Variants in BTAF1 observed in about 807,000 individuals in gnomAD.
The protein encoded by BTAF1 is TATA-binding protein-associated factor 172.
In BTAF1, 38 loss-of-function variants were observed where a neutral mutation model predicts 227.1. That is an observed-to-expected ratio of 0.17 (90% CI 0.13 to 0.22). The LOEUF (loss-of-function observed/expected upper bound fraction) is 0.22. Ranked by LOEUF, BTAF1 falls within the 10% of genes least tolerant of loss-of-function variation. BTAF1 has a pLI of 1.00. For synonymous variants in BTAF1, 742 were observed against 751.9 expected (o/e 0.99, Z 0.21); for missense variants, 1,598 against 2,204.0 (o/e 0.73, Z 5.51).
chr10:91,924,506 C>T (rs1843694458), intron 1 of BTAF1, among the ~76,000 whole-genome samples: 1 of 152,080 alleles, frequency 6.6e-6, no homozygotes, highest in Non-Finnish European at 1.5e-5. Flanking sequence ...TCTAAGAGAC[C>T]GTCTAATTAT....
intron 23 of BTAF1, among the ~76,000 whole-genome samples, chr10:91,995,673 C>G (rs527749997): frequency 5.4e-5 from 8 of 148,960 alleles, no homozygotes; most frequent in Non-Finnish European, 8.9e-5. Flanking sequence ...GAGACTCAGT[C>G]TCAAAAAAAA....
In BTAF1 at chr10:92,008,106, T is replaced by C; in HGVS notation, c.3661-17T>C. 6.4e-7 allele frequency: 1 copy of C among 1,563,400 alleles called. No homozygotes were observed. The highest frequency in any genetic ancestry group is 1.7e-4 in the Middle Eastern group (1 of 5,956). On this transcript the variant is annotated splice_polypyrimidine_tract_variant and intron_variant, in intron 25 of 37. Transcript: ENST00000265990. ...GTGAGTACGTAGTTTTTAATAACTTTAAAAAAATCATTTTAGGCAGGCATT... is the reference window on the plus strand; with the variant it reads ...GTGAGTACGTAGTTTTTAATAACTTCAAAAAAATCATTTTAGGCAGGCATT...
chr10:91,960,255 A>C, intron 11 of BTAF1, 101 bp downstream of exon 11: 1 of 1,254,552 alleles, frequency 8.0e-7, no homozygotes, highest in Non-Finnish European at 1.1e-6. Flanking sequence ...TTACTGTTAC[A>C]GAGAAGCCAG....
intron 34 of BTAF1, among the ~76,000 whole-genome samples, chr10:92,020,603 C>G (rs1270259650): frequency 6.6e-6 from 1 of 152,094 alleles, no homozygotes; most frequent in African/African-American, 2.4e-5. Context: ...AAATATGTAT[C>G]CTTACATCAC....
intron 25 of BTAF1, among the ~76,000 whole-genome samples, chr10:92,002,984 C>A (rs1282836489): frequency 6.6e-6 from 1 of 151,982 alleles, no homozygotes; most frequent in Admixed American, 6.5e-5. Context: ...TGGTGAAACC[C>A]CATCTCTACT....
At chr10:92,001,305 G>C (rs146263237) in intron 25 of BTAF1, among the ~76,000 whole-genome samples, 36 of 152,308 alleles carry the variant, frequency 2.4e-4, no homozygotes, top group Admixed American at 1.2e-3. Flanking sequence ...AGGTCCACAG[G>C]GGGGTTCTCC....
chr10:91,942,295 AGTTTGT>A (rs771547619), intron 3 of BTAF1, 121 bp from the exon 4 acceptor site: 38 of 553,758 alleles, frequency 6.9e-5, no homozygotes, highest in Non-Finnish European at 9.4e-5. Flanking sequence ...TAAAAAAAAA[AGTTTGT>A]GTGTGTGTGT....
At position 91,961,657 on chromosome 10, in the gene BTAF1, A is replaced by G. The variant is rs548209913; in HGVS notation, c.1264-881A>G. Among the ~76,000 whole-genome samples the G allele has an allele frequency of 9.5e-4, 144 of 152,262 alleles. 2 individuals carry two copies. The South Asian group carries it at 0.028, about 30-fold the overall frequency. ...CTGTGTTCTGCACTCTAGCCTCTGTAGATAACAGTAGACTTATATGGAAAT... is the reference window on the plus strand; with the variant it reads ...CTGTGTTCTGCACTCTAGCCTCTGTGGATAACAGTAGACTTATATGGAAAT... On this transcript the variant is annotated intron_variant, in intron 11 of 37. Coordinates refer to ENST00000265990, the MANE Select transcript of BTAF1 (RefSeq NM_003972.3).
chr10:91,998,139 A>AAAAG lies in BTAF1; in HGVS notation c.3660+391_3660+392insGAAA, dbSNP rs1289163434. On this transcript the variant is annotated intron_variant, in intron 25 of 37. Transcript: ENST00000265990. ...CGAGACTCCATCTCAAAAAAAAAAA[A>AAAAG]AAAAGAAAAGAAAAGAAAAGTAACA... Among the ~76,000 whole-genome samples, 176 of 151,304 alleles carry AAAAG rather than the reference A, an allele frequency of 1.2e-3. 1 individual carries two copies. Among genetic ancestry groups the AAAAG allele is most frequent in the African/African-American group, 4.1e-3 (170 of 41,112 alleles).
At chr10:91,982,308 G>C (rs1367284931) in intron 17 of BTAF1, 83 bp downstream of exon 17, 2 of 1,562,764 alleles carry the variant, frequency 1.3e-6, no homozygotes, top group Non-Finnish European at 8.8e-7. Context: ...AGATTCCTCT[G>C]CTGTCTCCAT....
At chr10:91,958,122 C>T (rs112039215) in intron 8 of BTAF1, among the ~76,000 whole-genome samples, 1,801 of 151,282 alleles carry the variant, frequency 0.012, 35 homozygotes, top group African/African-American at 0.041. Flanking sequence ...GATCTTGACT[C>T]TCTGCAACCT....
chr10:91,939,151 A>G (rs916605738), intron 2 of BTAF1, among the ~76,000 whole-genome samples: 1 of 152,164 alleles, frequency 6.6e-6, no homozygotes, highest in Non-Finnish European at 1.5e-5. Flanking sequence ...CTTTCATTGT[A>G]CAAGTCATAC....
intron 23 of BTAF1, 56 bp from the exon 24 acceptor site, chr10:91,996,313 A>C: frequency 6.7e-7 from 1 of 1,491,276 alleles, no homozygotes; most frequent in Non-Finnish European, 9.3e-7. Flanking sequence ...TATTATAGTT[A>C]CATATTAAAC....
intron 14 of BTAF1, among the ~76,000 whole-genome samples, chr10:91,967,786 C>T (rs1310150821): frequency 6.6e-6 from 1 of 151,992 alleles, no homozygotes; most frequent in Non-Finnish European, 1.5e-5. Context: ...TGCTTTTTGC[C>T]TAAATGTTTG....
intron 4 of BTAF1, among the ~76,000 whole-genome samples, chr10:91,948,489 A>G (rs1411383535): frequency 6.6e-6 from 1 of 151,570 alleles, no homozygotes; most frequent in African/African-American, 2.4e-5. Context: ...TCCTGGGCTC[A>G]AGCAATCCTC....
chr10:92,016,362 C>G lies in BTAF1; in HGVS notation c.4607C>G (p.Ala1536Gly). 6.3e-7 allele frequency: 1 copy of G among 1,598,082 alleles called. No homozygotes were observed. The highest frequency in any genetic ancestry group is 8.5e-7 in the Non-Finnish European group (1 of 1,173,684). Residue 1536 changes from alanine (A) to glycine (G), a missense_variant, in exon 33 of 38, where the codon GCT becomes GGT. Physicochemically the swap from Ala to Gly is moderately conservative, Grantham distance 60 (BLOSUM62 0). Transcript: ENST00000265990. ...CAGGTTCAGCTCTATGAAGATTTTG[C>G]TAAGTCTCGTGCCAAGTGTGATGTT... ...PLQVQLYEDF[A>G]KSRAKCDVDE... is the part of the protein sequence containing the mutation.
At chr10:92,015,676 A>G (rs1320157052) in intron 32 of BTAF1, among the ~76,000 whole-genome samples, 1 of 152,252 alleles carries the variant, frequency 6.6e-6, no homozygotes, top group Non-Finnish European at 1.5e-5. Flanking sequence ...CATAAAATGC[A>G]TTTAAGTAAT....
chr10:91,946,127 AG>A, intron 4 of BTAF1, among the ~76,000 whole-genome samples: 1 of 152,322 alleles, frequency 6.6e-6, no homozygotes, highest in East Asian at 1.9e-4. Flanking sequence ...TGGGAGGCAA[AG>A]GCGGGTGATC....
At chr10:91,957,657 C>T (rs1249948944) in intron 8 of BTAF1, among the ~76,000 whole-genome samples, 2 of 152,146 alleles carry the variant, frequency 1.3e-5, no homozygotes, top group African/African-American at 4.8e-5. Context: ...CTTTAGAGAA[C>T]ATCTTGAACA....
Sources: allele counts gnomAD v4.1 joint callset (sites outside exome capture counted in the v4.1 genomes callset), GRCh38; gene constraint gnomAD v4.1.1; transcripts MANE v1.5; gene names NCBI Gene and HGNC (gene_info 2026-07-23, HGNC 2026-07-21).